Variants in PTPRJ observed in about 807,000 individuals in gnomAD.
PTPRJ encodes receptor-type tyrosine-protein phosphatase eta.
Under a neutral mutation model 141.3 loss-of-function variants are expected in PTPRJ, and 129 were observed. That is an observed-to-expected ratio of 0.91 (90% CI 0.79 to 1.06). The LOEUF is 1.06. Ranked by LOEUF, PTPRJ falls within the 50% of genes least tolerant of loss-of-function variation. The pLI is 0.00. For missense variants in PTPRJ, 1,601 were observed against 1,679.7 expected (o/e 0.95, Z 0.82); for synonymous variants, 610 against 640.5 (o/e 0.95, Z 0.72).
At chr11:48,071,607 CTT>C (rs35993560) in intron 1 of PTPRJ, among the ~76,000 whole-genome samples, 4 of 82,434 alleles carry the variant, frequency 4.9e-5, no homozygotes, top group African/African-American at 4.6e-5. Flanking sequence ...CGCACCCAGC[CTT>C]TTTTTTTTTT....
intron 1 of PTPRJ, among the ~76,000 whole-genome samples, chr11:48,052,745 C>G (rs1188420335): frequency 6.6e-6 from 1 of 151,992 alleles, no homozygotes; most frequent in Non-Finnish European, 1.5e-5. Flanking sequence ...CCTACCTTAC[C>G]GCCATTAATA....
At chr11:48,076,957 TC>T (rs1855422327) in intron 1 of PTPRJ, among the ~76,000 whole-genome samples, 2 of 152,264 alleles carry the variant, frequency 1.3e-5, no homozygotes, top group East Asian at 3.9e-4. Context: ...AACCTCCACC[TC>T]CCCAGTTCAA....
intron 1 of PTPRJ, among the ~76,000 whole-genome samples, chr11:48,109,405 G>C (rs1028534181): frequency 2.6e-5 from 4 of 152,252 alleles, no homozygotes; most frequent in African/African-American, 9.6e-5. Context: ...GAATATCCTT[G>C]AGGGCTGCTC....
chr11:48,012,285 G>A (rs1021806055), intron 1 of PTPRJ, among the ~76,000 whole-genome samples: 13 of 152,110 alleles, frequency 8.5e-5, no homozygotes, highest in African/African-American at 2.9e-4. Flanking sequence ...ATTGAATTGA[G>A]CCACAGCCCC....
At chr11:48,016,304 G>A (rs909712293) in intron 1 of PTPRJ, among the ~76,000 whole-genome samples, 3 of 152,192 alleles carry the variant, frequency 2.0e-5, no homozygotes, top group Non-Finnish European at 4.4e-5. Context: ...CTTCCCACTC[G>A]TTATCCTCAT....
chr11:48,132,485 A>G (rs1857005315), intron 8 of PTPRJ: 1 of 984,090 alleles, frequency 1.0e-6, no homozygotes, highest in African/African-American at 1.7e-5. Context: ...AAATTTTGAA[A>G]TAATTGTTTT....
intron 14 of PTPRJ, among the ~76,000 whole-genome samples, chr11:48,146,517 G>A (rs948781153): frequency 7.2e-5 from 11 of 152,198 alleles, no homozygotes; most frequent in African/African-American, 2.7e-4. Flanking sequence ...CTGCTCATAT[G>A]TGGGTGCTAG....
At chr11:48,151,889 T>C (rs1347634031) in intron 18 of PTPRJ, among the ~76,000 whole-genome samples, 1 of 152,224 alleles carries the variant, frequency 6.6e-6, no homozygotes, top group Non-Finnish European at 1.5e-5. Context: ...CTATTGTGAA[T>C]AGTGCTGCAA....
intron 1 of PTPRJ, among the ~76,000 whole-genome samples, chr11:48,057,080 C>T (rs557063493): frequency 5.9e-5 from 9 of 152,268 alleles, no homozygotes; most frequent in African/African-American, 1.2e-4. Flanking sequence ...GCTTGCATGC[C>T]GTGTCCTGGT....
intron 1 of PTPRJ, among the ~76,000 whole-genome samples, chr11:47,994,540 T>G (rs1466540740): frequency 6.6e-6 from 1 of 151,906 alleles, no homozygotes; most frequent in Non-Finnish European, 1.5e-5. Flanking sequence ...CCCAGCTGTT[T>G]GGGAGGCTGA....
chr11:47,992,364 A>C (rs1393895561), intron 1 of PTPRJ, among the ~76,000 whole-genome samples: 1 of 152,044 alleles, frequency 6.6e-6, no homozygotes. Flanking sequence ...TAGTAGAGAC[A>C]GGGTTTCACC....
chr11:48,123,507 C>CT, intron 4 of PTPRJ, 106 bp from the exon 5 acceptor site: 1 of 1,215,270 alleles, frequency 8.2e-7, no homozygotes, highest in Non-Finnish European at 1.1e-6. Flanking sequence ...GTCATTCTTT[C>CT]TTTTTTTCTT....
chr11:48,073,294 T>A (rs1241842070), intron 1 of PTPRJ, among the ~76,000 whole-genome samples: 19 of 152,240 alleles, frequency 1.2e-4, no homozygotes, highest in Admixed American at 1.2e-3. Context: ...AATGTGGGCA[T>A]CCCACATGAG....
At chr11:48,146,841 C>T (rs1257204470) in intron 14 of PTPRJ, 35 bp from the exon 15 acceptor site, 1 of 1,577,258 alleles carries the variant, frequency 6.3e-7, no homozygotes, top group Admixed American at 1.7e-5. Flanking sequence ...TGCATGAACA[C>T]CTCTTGAAGT....
chr11:48,133,465 A>G (rs994954228), intron 8 of PTPRJ, among the ~76,000 whole-genome samples: 2 of 152,214 alleles, frequency 1.3e-5, no homozygotes, highest in Non-Finnish European at 2.9e-5. Flanking sequence ...AAGGCTTGCT[A>G]TAAGATCTAA....
chr11:48,071,447 G>GGA (rs1351472599), intron 1 of PTPRJ, among the ~76,000 whole-genome samples: 2 of 151,202 alleles, frequency 1.3e-5, no homozygotes, highest in African/African-American at 4.9e-5. Flanking sequence ...CTCCCGAGTA[G>GGA]CTGGGACTAC....
At chr11:48,157,419 T>C (rs1374349768) in intron 21 of PTPRJ, among the ~76,000 whole-genome samples, 5 of 152,224 alleles carry the variant, frequency 3.3e-5, no homozygotes, top group Non-Finnish European at 5.9e-5. Flanking sequence ...TGTTTTTAAG[T>C]GTAGGTTCAT....
At chr11:48,154,854 T>A (rs1857564016) in intron 19 of PTPRJ, among the ~76,000 whole-genome samples, 1 of 152,176 alleles carries the variant, frequency 6.6e-6, no homozygotes, top group South Asian at 2.1e-4. Context: ...TTGGCCCCTT[T>A]TTGTGAATGT....
chr11:48,136,968 G>T, intron 9 of PTPRJ, 35 bp from the exon 10 acceptor site: 2 of 1,530,044 alleles, frequency 1.3e-6, no homozygotes, highest in Non-Finnish European at 1.8e-6. Flanking sequence ...CTTAATCTGT[G>T]CTTTTACATG....
Sources: allele counts gnomAD v4.1 joint callset (sites outside exome capture counted in the v4.1 genomes callset), GRCh38; gene constraint gnomAD v4.1.1; transcripts MANE v1.5; gene names NCBI Gene and HGNC (gene_info 2026-07-23, HGNC 2026-07-21).